Variants in SRGAP2 observed in about 807,000 individuals in gnomAD.
The protein encoded by SRGAP2 is SLIT-ROBO Rho GTPase-activating protein 2.
A neutral mutation model predicts 57.2 loss-of-function variants in SRGAP2; 15 were observed. The observed-to-expected ratio is 0.26, with a 90% CI of 0.18 to 0.40. The LOEUF is 0.40. Ranked by LOEUF, SRGAP2 falls within the 10% of genes least tolerant of loss-of-function variation. The probability of loss-of-function intolerance (pLI) is 1.00; values close to 1 mark genes in which losing one functional copy is unlikely to be tolerated. For missense variants in SRGAP2, 520 were observed against 669.6 expected, an observed-to-expected ratio of 0.78 and a Z score of 2.47; for synonymous variants, 249 against 248.0, an observed-to-expected ratio of 1.00 and a Z score of -0.04.
chr1:206,421,226 C>A, intron 12 of SRGAP2, 24 bp from the exon 13 acceptor site: 1 of 778,408 alleles, frequency 1.3e-6, no homozygotes, highest in Non-Finnish European at 2.4e-6. Context: ...TTGGTCCAAT[C>A]TGATTCGGCG....
Position 206,429,472 on chromosome 1 carries a change from T to C in SRGAP2, c.1495-690T>C, listed in dbSNP as rs142805501. ...TGTAGTGGTGACAAGTGCCAACAAATATTCACATCCACACATTGGAGTCAC... is the reference window on the plus strand; with the variant it reads ...TGTAGTGGTGACAAGTGCCAACAAACATTCACATCCACACATTGGAGTCAC... On this transcript the variant is annotated intron_variant, in intron 13 of 22. Transcript: ENST00000573034. Among the ~76,000 whole-genome samples, 5 of 152,332 alleles carry C rather than the reference T, an allele frequency of 3.3e-5. No homozygotes were observed. In the East Asian group the frequency reaches 9.6e-4, roughly 29 times the overall value.
At chr1:206,273,363 G>C (rs1312899807) in intron 2 of SRGAP2, among the ~76,000 whole-genome samples, 1 of 146,222 alleles carries the variant, frequency 6.8e-6, no homozygotes, top group Non-Finnish European at 1.5e-5. Flanking sequence ...CCTAGGCCTG[G>C]TCAGCTTTTG....
chr1:206,415,791 A>G, intron 10 of SRGAP2, 98 bp from the exon 11 acceptor site: 2 of 700,708 alleles, frequency 2.9e-6, no homozygotes, highest in South Asian at 3.0e-5. Context: ...CAGAAACCAA[A>G]TGACCTCTAT....
intron 14 of SRGAP2, among the ~76,000 whole-genome samples, chr1:206,436,264 C>T (rs1364745745): frequency 3.9e-5 from 6 of 152,092 alleles, no homozygotes; most frequent in South Asian, 2.1e-4. Flanking sequence ...ACAATCAAAC[C>T]GTGTTAAAAC....
intron 13 of SRGAP2, among the ~76,000 whole-genome samples, chr1:206,427,136 T>C (rs1470773505): frequency 1.3e-5 from 2 of 152,148 alleles, no homozygotes; most frequent in African/African-American, 4.8e-5. Context: ...TTTTGATTTG[T>C]TTTTCTATAT....
intron 7 of SRGAP2, among the ~76,000 whole-genome samples, chr1:206,395,832 T>TA (rs782646324): frequency 0.087 from 12,329 of 141,362 alleles, 935 homozygotes; most frequent in African/African-American, 0.23. Context: ...TTTCATCATT[T>TA]AAAAAAAAAA....
intron 16 of SRGAP2, among the ~76,000 whole-genome samples, chr1:206,439,387 G>A (rs1662066010): frequency 6.6e-6 from 1 of 152,020 alleles, no homozygotes; most frequent in African/African-American, 2.4e-5. Context: ...CATTCATAGT[G>A]CAGATAAGGG....
chr1:206,410,997 A>T (rs957711879), intron 10 of SRGAP2, among the ~76,000 whole-genome samples: 1 of 152,186 alleles, frequency 6.6e-6, no homozygotes, highest in Non-Finnish European at 1.5e-5. Flanking sequence ...AGTAGCTGGG[A>T]TTGCAGGCAC....
intron 2 of SRGAP2, among the ~76,000 whole-genome samples, chr1:206,239,028 G>C (rs1553308547): frequency 1.3e-5 from 2 of 152,202 alleles, no homozygotes; most frequent in African/African-American, 4.8e-5. Flanking sequence ...TTCTAGCTGA[G>C]GTGTGAGGTT....
chr1:206,334,021 A>G (rs1366249917), intron 3 of SRGAP2, among the ~76,000 whole-genome samples: 3 of 152,084 alleles, frequency 2.0e-5, no homozygotes, highest in Admixed American at 2.0e-4. Flanking sequence ...TGGACATACA[A>G]ATTTGGTCAT....
At chr1:206,275,961 G>A (rs1207515116) in intron 2 of SRGAP2, among the ~76,000 whole-genome samples, 1 of 144,580 alleles carries the variant, frequency 6.9e-6, no homozygotes, top group East Asian at 2.0e-4. Context: ...AGCTCTTGGC[G>A]CTTGACTTCC....
chr1:206,311,433 C>T (rs1232606150), intron 3 of SRGAP2, among the ~76,000 whole-genome samples: 1 of 152,108 alleles, frequency 6.6e-6, no homozygotes, highest in Non-Finnish European at 1.5e-5. Context: ...AATTAAAATG[C>T]CAGTGCTAGG....
At position 206,302,823 on chromosome 1, in the gene SRGAP2, TTTGAATCCCAGCTTCACCAC is replaced by T; in HGVS notation, c.68-455_68-436del. On this transcript the variant is annotated intron_variant, in intron 2 of 22. Coordinates refer to ENST00000573034, the MANE Select transcript of SRGAP2 (RefSeq NM_015326.5). ...GGTCTCTAAAGTCAGTCTCTTGGGG[TTTGAATCCCAGCTTCACCAC>T]TTAAAAGTTTGACTTCTTCAAGACT... Among the ~76,000 whole-genome samples, 5 of 130,190 alleles carry T rather than the reference TTTGAATCCCAGCTTCACCAC, an allele frequency of 3.8e-5. No homozygotes were observed. In the South Asian group the frequency reaches 1.4e-3, roughly 36 times the overall value. The allele number at this position is 130,190 out of a possible 152,430, so 85.4% of individuals were successfully genotyped here.
chr1:206,425,111 AAGCCAGT>A (rs1241173155), intron 13 of SRGAP2, among the ~76,000 whole-genome samples: 9 of 152,198 alleles, frequency 5.9e-5, no homozygotes, highest in African/African-American at 1.4e-4. Context: ...CAATTTGTTG[AAGCCAGT>A]AGCCTGTAAG....
chr1:206,333,366 C>A, intron 3 of SRGAP2: 1 of 1,395,126 alleles, frequency 7.2e-7, no homozygotes, highest in Non-Finnish European at 1.0e-6. Context: ...TCCAAGCATC[C>A]TTCTAAACTA....
intron 2 of SRGAP2, among the ~76,000 whole-genome samples, chr1:206,262,220 C>G (rs1424937543): frequency 2.0e-5 from 3 of 147,280 alleles, no homozygotes; most frequent in Non-Finnish European, 4.5e-5. Flanking sequence ...GGTTCTGCCT[C>G]TTGGTCAAGT....
At chr1:206,441,881 C>T (rs1171935988) in intron 17 of SRGAP2, among the ~76,000 whole-genome samples, 13 of 152,242 alleles carry the variant, frequency 8.5e-5, no homozygotes, top group African/African-American at 2.2e-4. Context: ...TTTATCATCA[C>T]TCTTGTTTTG....
At position 206,260,494 on chromosome 1, in the gene SRGAP2, A is replaced by G. The variant is rs548228057; in HGVS notation, c.68-42787A>G. Among the ~76,000 whole-genome samples, 42 of 152,110 alleles carry G rather than the reference A, an allele frequency of 2.8e-4. No individual in the cohort carries two copies. In the East Asian group the frequency reaches 4.6e-3, roughly 17 times the overall value. ...GGTGTCACTCTTAATAGTTCCTTAT[A>G]TATCTGTGCAGTGTTTCTTTATGTA... is the stretch of plus-strand genomic sequence containing the variant. On this transcript the variant is annotated intron_variant, in intron 2 of 22. Transcript: ENST00000573034.
intron 4 of SRGAP2, among the ~76,000 whole-genome samples, chr1:206,360,085 C>T (rs1352392880): frequency 1.3e-5 from 2 of 152,136 alleles, no homozygotes; most frequent in Middle Eastern, 3.4e-3. Flanking sequence ...GGATTACAGG[C>T]GTGAGCCACC....
Sources: allele counts gnomAD v4.1 joint callset (sites outside exome capture counted in the v4.1 genomes callset), GRCh38; gene constraint gnomAD v4.1.1; transcripts MANE v1.5; gene names NCBI Gene and HGNC (gene_info 2026-07-23, HGNC 2026-07-21).